SGCD: variants seen among roughly 807,000 people sequenced by gnomAD.
SGCD encodes sarcoglycan delta.
SGCD carries 18 observed loss-of-function variants against 36.6 expected under a neutral mutation model. The ratio of observed to expected loss-of-function variants is 0.49; its 90% confidence interval spans 0.34 to 0.73. SGCD has a LOEUF of 0.73. Among genes scored for constraint, SGCD ranks in the 30% least tolerant of loss-of-function variants. The pLI is 0.01. For synonymous variants in SGCD, 133 were observed against 130.6 expected (o/e 1.02, Z -0.12); for missense variants, 387 against 346.7 (o/e 1.12, Z -0.92).
At chr5:155,770,630 G>A in the SGCD span, among the ~76,000 whole-genome samples, 6 of 151,930 alleles carry the variant, frequency 3.9e-5, no homozygotes, top group South Asian at 2.1e-4. Context: ...AAGCAGGGAG[G>A]TGAGATTATA....
chr5:155,786,376 G>C, the SGCD span, among the ~76,000 whole-genome samples: 1 of 152,124 alleles, frequency 6.6e-6, no homozygotes, highest in African/African-American at 2.4e-5. Flanking sequence ...AGCCACCTAA[G>C]CAGCCAGTGG....
At position 156,016,575 on chromosome 5, in the gene SGCD, C is replaced by CT. The variant is rs535245582; in HGVS notation, c.-281-101296dup. 5.2e-3 allele frequency among the ~76,000 whole-genome samples: 789 copies of CT among 152,154 alleles called. 6 individuals are homozygous for CT. Among genetic ancestry groups the CT allele is most frequent in the African/African-American group, 0.018 (745 of 41,528 alleles). On this transcript the variant is annotated intron_variant, in intron 1 of 9. Coordinates refer to the SGCD transcript ENST00000517913. ...TTTCTGATTTACTCTTTCTGTATTT[C>CT]TTTTTTTACAAAAACTAGCAGATAC...
intron 2 of SGCD, among the ~76,000 whole-genome samples, chr5:156,343,787 T>A (rs967586322): frequency 6.6e-6 from 1 of 152,202 alleles, no homozygotes; most frequent in African/African-American, 2.4e-5. Flanking sequence ...AATGTTCACA[T>A]TTTACTTGAC....
At chr5:156,527,998 T>C (rs1757714516) in intron 4 of SGCD, among the ~76,000 whole-genome samples, 1 of 152,202 alleles carries the variant, frequency 6.6e-6, no homozygotes, top group South Asian at 2.1e-4. Context: ...TCTTGTTATA[T>C]CATATCATAT....
chr5:156,185,866 G>T (rs879522898), intron 3 of SGCD, among the ~76,000 whole-genome samples: 34,966 of 50,564 alleles, frequency 0.69, 10,191 homozygotes, highest in East Asian at 0.82. Flanking sequence ...GAGAGAGAGA[G>T]AGAGAGAGAG....
chr5:155,891,525 C>G (rs2113317065), intron 1 of SGCD, among the ~76,000 whole-genome samples: 1 of 131,202 alleles, frequency 7.6e-6, no homozygotes, highest in Middle Eastern at 4.5e-3. Context: ...ATGCAGCAAA[C>G]AAATTGCCAA....
At chr5:156,201,603 G>A (rs1483555351) in intron 3 of SGCD, among the ~76,000 whole-genome samples, 1 of 152,142 alleles carries the variant, frequency 6.6e-6, no homozygotes, top group Non-Finnish European at 1.5e-5. Flanking sequence ...AATGAGTCCA[G>A]TCTAGGAGGT....
intron 3 of SGCD, among the ~76,000 whole-genome samples, chr5:156,470,137 A>G (rs1331618654): frequency 6.6e-6 from 1 of 152,236 alleles, no homozygotes; most frequent in Non-Finnish European, 1.5e-5. Flanking sequence ...TTCTGGATGT[A>G]AACAAGCTTT....
chr5:156,567,850 C>T (rs541151184), intron 4 of SGCD, among the ~76,000 whole-genome samples: 11 of 152,082 alleles, frequency 7.2e-5, no homozygotes, highest in Middle Eastern at 3.2e-3. Context: ...GTGATGGATG[C>T]GGGATGATGA....
At chr5:155,962,327 C>T (rs926499111) in intron 1 of SGCD, among the ~76,000 whole-genome samples, 1 of 152,076 alleles carries the variant, frequency 6.6e-6, no homozygotes, top group Non-Finnish European at 1.5e-5. Context: ...TGAGCCATTC[C>T]TCCCAGAGCC....
chr5:156,422,389 A>G (rs1011606526), intron 3 of SGCD, among the ~76,000 whole-genome samples: 6 of 151,998 alleles, frequency 3.9e-5, no homozygotes, highest in Non-Finnish European at 7.4e-5. Flanking sequence ...CGTCAAAGAA[A>G]AGCCTGTAGT....
chr5:156,080,406 C>A (rs1760920511), intron 1 of SGCD, among the ~76,000 whole-genome samples: 1 of 152,214 alleles, frequency 6.6e-6, no homozygotes, highest in African/African-American at 2.4e-5. Context: ...AAGTAAGTCA[C>A]CCTGCTTTAA....
intron 1 of SGCD, among the ~76,000 whole-genome samples, chr5:155,921,411 TAG>T (rs1756875897): frequency 6.6e-6 from 1 of 151,978 alleles, no homozygotes; most frequent in Non-Finnish European, 1.5e-5. Context: ...GGGGGTACGG[TAG>T]AGAAAGTATA....
At chr5:156,219,645 G>T (rs1158737649) in intron 3 of SGCD, among the ~76,000 whole-genome samples, 1 of 152,158 alleles carries the variant, frequency 6.6e-6, no homozygotes, top group Non-Finnish European at 1.5e-5. Context: ...CTTTATTGAG[G>T]TCATACTAAA....
intron 3 of SGCD, among the ~76,000 whole-genome samples, chr5:156,469,128 C>G (rs907187355): frequency 1.3e-5 from 2 of 152,084 alleles, no homozygotes; most frequent in Admixed American, 1.3e-4. Flanking sequence ...TTGGAATTCC[C>G]CTAGAGACAC....
chr5:155,936,921 C>T (rs1041114110), intron 1 of SGCD, among the ~76,000 whole-genome samples: 44 of 152,290 alleles, frequency 2.9e-4, no homozygotes, highest in Admixed American at 9.8e-4. Context: ...CATGTCAGCA[C>T]GGCCCCGGGT....
At chr5:156,175,583 G>A (rs1763446370) in intron 3 of SGCD, among the ~76,000 whole-genome samples, 1 of 152,030 alleles carries the variant, frequency 6.6e-6, no homozygotes, top group African/African-American at 2.4e-5. Context: ...CTAGGAAAAT[G>A]TTTTCTAAGA....
At chr5:155,995,893 G>A (rs1758530749) in intron 1 of SGCD, among the ~76,000 whole-genome samples, 2 of 143,452 alleles carry the variant, frequency 1.4e-5, no homozygotes, top group East Asian at 2.2e-4. Context: ...GGAAACTTCT[G>A]TTCTTAAAGG....
chr5:156,486,746 C>G (rs927589732), intron 3 of SGCD, among the ~76,000 whole-genome samples: 2 of 152,158 alleles, frequency 1.3e-5, no homozygotes, highest in Non-Finnish European at 2.9e-5. Context: ...TTGCCTGCTG[C>G]CACCACGTGC....
Sources: allele counts gnomAD v4.1 joint callset (sites outside exome capture counted in the v4.1 genomes callset), GRCh38; gene constraint gnomAD v4.1.1; transcripts MANE v1.5; gene names NCBI Gene and HGNC (gene_info 2026-07-23, HGNC 2026-07-21).